Variants in ADAMTS12 observed in about 807,000 individuals in gnomAD.
ADAMTS12 encodes ADAM metallopeptidase with thrombospondin type 1 motif 12.
In ADAMTS12, 118 loss-of-function variants were observed where a neutral mutation model predicts 167.8. The observed-to-expected ratio is 0.70, with a 90% CI of 0.61 to 0.82. The LOEUF (loss-of-function observed/expected upper bound fraction) is 0.82. Ranked by LOEUF, ADAMTS12 falls within the 40% of genes least tolerant of loss-of-function variation. The probability of loss-of-function intolerance (pLI) is 0.00; values close to 1 mark genes in which losing one functional copy is unlikely to be tolerated. For synonymous variants in ADAMTS12, 704 were observed against 716.9 expected (o/e 0.98, Z 0.29); for missense variants, 1,916 against 1,998.8 (o/e 0.96, Z 0.79).
At chr5:33,574,814 T>C (rs570229626) in intron 19 of ADAMTS12, among the ~76,000 whole-genome samples, 7 of 152,316 alleles carry the variant, frequency 4.6e-5, no homozygotes, top group African/African-American at 1.7e-4. Flanking sequence ...TAAATTGTTA[T>C]ACTCAAATTG....
At chr5:33,578,132 C>T (rs1746852887) in intron 18 of ADAMTS12, among the ~76,000 whole-genome samples, 1 of 152,222 alleles carries the variant, frequency 6.6e-6, no homozygotes, top group East Asian at 1.9e-4. Context: ...ATAGTTGGCA[C>T]TTGAGCACAG....
At chr5:33,679,980 G>T (rs972087223) in intron 5 of ADAMTS12, among the ~76,000 whole-genome samples, 4 of 152,192 alleles carry the variant, frequency 2.6e-5, no homozygotes, top group Admixed American at 1.3e-4. Flanking sequence ...AATCATTGCT[G>T]TCTGTTGTTG....
At chr5:33,622,325 C>A (rs913173844) in intron 14 of ADAMTS12, among the ~76,000 whole-genome samples, 4 of 152,076 alleles carry the variant, frequency 2.6e-5, no homozygotes, top group African/African-American at 9.7e-5. Flanking sequence ...AGAACAGCAC[C>A]TCAGAGGCCA....
chr5:33,880,575 T>G (rs958300288), intron 2 of ADAMTS12, among the ~76,000 whole-genome samples: 1 of 152,244 alleles, frequency 6.6e-6, no homozygotes, highest in East Asian at 1.9e-4. Flanking sequence ...TTGCCAAACT[T>G]TGCTCCATGA....
At chr5:33,872,375 C>T (rs1750070774) in intron 2 of ADAMTS12, among the ~76,000 whole-genome samples, 1 of 151,984 alleles carries the variant, frequency 6.6e-6, no homozygotes, top group African/African-American at 2.4e-5. Context: ...GAAACCCCGT[C>T]TCCACTAAAA....
intron 5 of ADAMTS12, among the ~76,000 whole-genome samples, chr5:33,677,429 C>T (rs1247808531): frequency 6.6e-6 from 1 of 152,110 alleles, no homozygotes; most frequent in African/African-American, 2.4e-5. Context: ...AATTATATGG[C>T]TAGCAAGCAG....
chr5:33,635,493 A>G (rs1200803707), intron 12 of ADAMTS12, among the ~76,000 whole-genome samples: 1 of 152,196 alleles, frequency 6.6e-6, no homozygotes, highest in Non-Finnish European at 1.5e-5. Context: ...CTCCGAACCT[A>G]TTAGCTTATC....
chr5:33,763,696 C>T (rs534543956), intron 2 of ADAMTS12, among the ~76,000 whole-genome samples: 8 of 152,342 alleles, frequency 5.3e-5, no homozygotes, highest in Admixed American at 2.6e-4. Context: ...ATGTCACAAC[C>T]GGTTCACATG....
At chr5:33,830,835 A>G (rs544730331) in intron 2 of ADAMTS12, among the ~76,000 whole-genome samples, 4 of 152,146 alleles carry the variant, frequency 2.6e-5, no homozygotes, top group African/African-American at 9.7e-5. Flanking sequence ...TTATATCAGT[A>G]TATGTATATA....
At chr5:33,568,875 C>A (rs1296858363) in intron 19 of ADAMTS12, among the ~76,000 whole-genome samples, 1 of 152,240 alleles carries the variant, frequency 6.6e-6, no homozygotes, top group Non-Finnish European at 1.5e-5. Flanking sequence ...CCTGGAAAAT[C>A]AGGCCACTCC....
intron 19 of ADAMTS12, among the ~76,000 whole-genome samples, chr5:33,563,046 T>A (rs909966633): frequency 3.3e-5 from 5 of 152,218 alleles, no homozygotes; most frequent in African/African-American, 1.2e-4. Flanking sequence ...AAGAGAAAAG[T>A]AGAAATTATT....
At chr5:33,813,490 G>T (rs1254921641) in intron 2 of ADAMTS12, among the ~76,000 whole-genome samples, 1 of 152,174 alleles carries the variant, frequency 6.6e-6, no homozygotes, top group Non-Finnish European at 1.5e-5. Context: ...TGGTGGAGTA[G>T]ATTTCTCCAC....
intron 3 of ADAMTS12, among the ~76,000 whole-genome samples, chr5:33,723,242 C>T (rs1220373204): frequency 6.6e-6 from 1 of 152,182 alleles, no homozygotes; most frequent in African/African-American, 2.4e-5. Flanking sequence ...GAAGCGAACT[C>T]CATTTTTCCT....
chr5:33,593,354 A>G (rs1747742461), intron 17 of ADAMTS12, among the ~76,000 whole-genome samples: 1 of 152,210 alleles, frequency 6.6e-6, no homozygotes, highest in African/African-American at 2.4e-5. Context: ...AGCAGCACAT[A>G]CAGAGGCAGC....
chr5:33,757,474 T>C (rs1283675737), intron 2 of ADAMTS12, among the ~76,000 whole-genome samples: 1 of 152,154 alleles, frequency 6.6e-6, no homozygotes, highest in Non-Finnish European at 1.5e-5. Flanking sequence ...GAAGCTGGGT[T>C]CCACTTCTAG....
intron 3 of ADAMTS12, among the ~76,000 whole-genome samples, chr5:33,730,292 GTGTGTGTGTGTGTGT>G (rs1744144051): frequency 1.4e-5 from 2 of 141,666 alleles, no homozygotes; most frequent in Admixed American, 1.4e-4. Flanking sequence ...CCATTAGGGT[GTGTGTGTGTGTGTGT>G]GTGTGTGTGT....
At chr5:33,765,066 G>A (rs896490556) in intron 2 of ADAMTS12, among the ~76,000 whole-genome samples, 3 of 152,196 alleles carry the variant, frequency 2.0e-5, no homozygotes, top group Non-Finnish European at 4.4e-5. Context: ...GTATATACGT[G>A]AATGATCTTT....
At chr5:33,755,827 G>A in intron 2 of ADAMTS12, among the ~76,000 whole-genome samples, 1 of 152,136 alleles carries the variant, frequency 6.6e-6, no homozygotes, top group Admixed American at 6.5e-5. Context: ...AGATGAATTT[G>A]TTTATTCTTG....
intron 14 of ADAMTS12, among the ~76,000 whole-genome samples, chr5:33,618,014 A>G (rs563368942): frequency 1.3e-5 from 2 of 152,362 alleles, no homozygotes; most frequent in South Asian, 4.1e-4. Context: ...CTACGCAAGT[A>G]AAAATATTTG....
Sources: gnomAD v4.1 joint callset for allele counts (sites outside exome capture counted in the v4.1 genomes callset) on GRCh38, gnomAD v4.1.1 for gene constraint, MANE v1.5 for transcripts, NCBI Gene and HGNC (gene_info 2026-07-23, HGNC 2026-07-21) for gene names.